Variants in ZNF385B observed in about 807,000 individuals in gnomAD.
ZNF385B encodes zinc finger protein 533.
ZNF385B carries 23 observed loss-of-function variants against 39.2 expected under a neutral mutation model. The ratio of observed to expected loss-of-function variants is 0.59; its 90% CI spans 0.42 to 0.83. The LOEUF is 0.83. ZNF385B is among the 40% of genes least tolerant of loss of function. ZNF385B has a pLI of 0.00. For synonymous variants in ZNF385B, 205 were observed against 222.6 expected, an observed-to-expected ratio of 0.92 and a Z score of 0.70; for missense variants, 552 against 598.9, an observed-to-expected ratio of 0.92 and a Z score of 0.82.
chr2:179,670,494 C>CAAAAACAAACAA (rs747442111), intron 3 of ZNF385B, among the ~76,000 whole-genome samples: 2,683 of 147,646 alleles, frequency 0.018, 80 homozygotes, highest in African/African-American at 0.062. Flanking sequence ...CAAAAACAAA[C>CAAAAACAAACAA]AAAAAAAAAT....
chr2:179,476,456 C>T (rs113880037), intron 6 of ZNF385B, among the ~76,000 whole-genome samples: 8 of 152,210 alleles, frequency 5.3e-5, no homozygotes, highest in African/African-American at 1.9e-4. Flanking sequence ...TTAATGTATC[C>T]TCAGTAAATC....
Position 179,582,694 on chromosome 2 carries a change from T to G in ZNF385B, c.299-37725A>C, listed in dbSNP as rs548419836. Among the ~76,000 whole-genome samples the G allele has an allele frequency of 2.8e-3, 425 of 152,322 alleles. 2 individuals are homozygous for G. Among genetic ancestry groups the G allele is most frequent in the African/African-American group, 9.8e-3 (407 of 41,570 alleles). ...CAATGTGTGCCAGTAATTTGCATTT[T>G]AAAAATAAACTTTGTAATTTGGAAT... On this transcript the variant is annotated intron_variant, in intron 3 of 9. Coordinates refer to ENST00000410066, the MANE Select transcript of ZNF385B (RefSeq NM_152520.6).
chr2:179,527,593 T>A (rs968693353), intron 4 of ZNF385B, among the ~76,000 whole-genome samples: 2 of 152,070 alleles, frequency 1.3e-5, no homozygotes, highest in Non-Finnish European at 1.5e-5. Flanking sequence ...AATAATGTCC[T>A]TTTTCTAGAT....
chr2:179,793,983 C>T (rs1575502314), intron 1 of ZNF385B, among the ~76,000 whole-genome samples: 1 of 152,108 alleles, frequency 6.6e-6, no homozygotes, highest in Non-Finnish European at 1.5e-5. Flanking sequence ...ATAGTTTTGG[C>T]AATAATTTAG....
intron 1 of ZNF385B, among the ~76,000 whole-genome samples, chr2:179,809,489 T>A (rs905292630): frequency 1.3e-5 from 2 of 152,102 alleles, no homozygotes; most frequent in African/African-American, 4.8e-5. Context: ...AATATACACA[T>A]AAGACCCAAG....
intron 3 of ZNF385B, among the ~76,000 whole-genome samples, chr2:179,555,129 C>T (rs2060822151): frequency 6.7e-6 from 1 of 149,672 alleles, no homozygotes; most frequent in African/African-American, 2.5e-5. Flanking sequence ...CATGATGAAA[C>T]ATTCATGCAA....
intron 6 of ZNF385B, among the ~76,000 whole-genome samples, chr2:179,464,163 C>A (rs1043801206): frequency 6.6e-6 from 1 of 152,134 alleles, no homozygotes; most frequent in African/African-American, 2.4e-5. Flanking sequence ...TGAGAAGTGT[C>A]TGTTCATATC....
chr2:179,450,915 C>G (rs13398435), intron 6 of ZNF385B, among the ~76,000 whole-genome samples: 7,626 of 151,984 alleles, frequency 0.05, 213 homozygotes, highest in Middle Eastern at 0.12. Context: ...GAATACTATG[C>G]AGCCATAAAA....
At chr2:179,768,603 C>G (rs528927459) in intron 3 of ZNF385B, among the ~76,000 whole-genome samples, 8 of 152,254 alleles carry the variant, frequency 5.3e-5, no homozygotes, top group Admixed American at 5.2e-4. Flanking sequence ...CAAACCCTTG[C>G]TAGAGTAGAA....
chr2:179,720,768 T>TTTA (rs1043575176), intron 3 of ZNF385B, among the ~76,000 whole-genome samples: 3 of 151,722 alleles, frequency 2.0e-5, no homozygotes, highest in African/African-American at 7.3e-5. Context: ...TTTAAGTAGT[T>TTTA]TTATTATTAT....
intron 4 of ZNF385B, among the ~76,000 whole-genome samples, chr2:179,522,009 T>C (rs1208430275): frequency 6.6e-6 from 1 of 152,204 alleles, no homozygotes; most frequent in African/African-American, 2.4e-5. Flanking sequence ...ATTTTTATAT[T>C]TAAATGTCAT....
chr2:179,787,936 ATTAAT>A (rs1461724215), intron 1 of ZNF385B, among the ~76,000 whole-genome samples: 2 of 152,202 alleles, frequency 1.3e-5, no homozygotes. Context: ...TGGCTCTATA[ATTAAT>A]TCACTGAAAC....
chr2:179,562,695 T>A, intron 3 of ZNF385B: 2 of 672,624 alleles, frequency 3.0e-6, no homozygotes, highest in East Asian at 1.3e-4. Flanking sequence ...TTCTTTCATG[T>A]AATTTTTCTG....
At chr2:179,518,243 G>A (rs981911036) in intron 5 of ZNF385B, among the ~76,000 whole-genome samples, 4 of 151,998 alleles carry the variant, frequency 2.6e-5, no homozygotes, top group African/African-American at 9.7e-5. Context: ...TTTAAAATTT[G>A]TATTATTTTT....
At chr2:179,591,364 T>C (rs1308439470) in intron 3 of ZNF385B, among the ~76,000 whole-genome samples, 1 of 152,102 alleles carries the variant, frequency 6.6e-6, no homozygotes, top group Non-Finnish European at 1.5e-5. Flanking sequence ...TTGAATAGAA[T>C]ATATACCTTA....
intron 1 of ZNF385B, among the ~76,000 whole-genome samples, chr2:179,834,471 G>A (rs1440147715): frequency 3.9e-5 from 6 of 152,170 alleles, no homozygotes; most frequent in African/African-American, 1.2e-4. Flanking sequence ...ATTATGATAG[G>A]AGTGAATGAT....
At chr2:179,722,695 C>T (rs1170684315) in intron 3 of ZNF385B, among the ~76,000 whole-genome samples, 1 of 151,794 alleles carries the variant, frequency 6.6e-6, no homozygotes, top group Non-Finnish European at 1.5e-5. Context: ...TTAAAAAGCA[C>T]AATTCATAAA....
intron 3 of ZNF385B, among the ~76,000 whole-genome samples, chr2:179,767,156 A>C (rs1006801273): frequency 2.6e-5 from 4 of 152,238 alleles, no homozygotes; most frequent in African/African-American, 9.6e-5. Context: ...GTAAGCTGGA[A>C]GATGCAGCTA....
At chr2:179,792,329 T>C (rs1705379349) in intron 1 of ZNF385B, among the ~76,000 whole-genome samples, 1 of 151,828 alleles carries the variant, frequency 6.6e-6, no homozygotes, top group African/African-American at 2.4e-5. Context: ...TTAATAATAA[T>C]TTATTCAAGC....
Sources: gnomAD v4.1 joint callset for allele counts (sites outside exome capture counted in the v4.1 genomes callset) on GRCh38, gnomAD v4.1.1 for gene constraint, MANE v1.5 for transcripts, NCBI Gene and HGNC (gene_info 2026-07-23, HGNC 2026-07-21) for gene names.